The following TCF7L1 variants were observed in gnomAD, a reference collection of about 807,000 sequenced individuals.
TCF7L1 encodes transcription factor 7 like 1.
TCF7L1 carries 18 observed loss-of-function variants against 63.7 expected under a neutral mutation model. That is an observed-to-expected ratio of 0.28 (90% CI 0.20 to 0.42). The LOEUF (loss-of-function observed/expected upper bound fraction) is 0.42, where lower values mean the gene tolerates loss of function less well. TCF7L1 is among the 10% of genes least tolerant of loss of function. The pLI is 1.00. For synonymous variants in TCF7L1, 355 were observed against 340.9 expected, an observed-to-expected ratio of 1.04 and a Z score of -0.46; for missense variants, 654 against 779.3, an observed-to-expected ratio of 0.84 and a Z score of 1.91.
At chr2:85,241,445 T>TTG (rs1558643538) in intron 3 of TCF7L1, among the ~76,000 whole-genome samples, 1 of 128,096 alleles carries the variant, frequency 7.8e-6, no homozygotes, top group African/African-American at 3.1e-5. Context: ...TTGTTTTTTT[T>TTG]TTTTTTTTTT....
chr2:85,150,667 G>T, intron 3 of TCF7L1, among the ~76,000 whole-genome samples: 1 of 147,494 alleles, frequency 6.8e-6, no homozygotes, highest in African/African-American at 2.5e-5. Context: ...TGTTCTTATT[G>T]TATCTCCTCA....
chr2:85,235,260 C>T (rs1680165759), intron 3 of TCF7L1, among the ~76,000 whole-genome samples: 1 of 152,006 alleles, frequency 6.6e-6, no homozygotes, highest in African/African-American at 2.4e-5. Flanking sequence ...GGCCTGGGTC[C>T]CCACTAAGTA....
chr2:85,243,876 A>AC (rs1680399449), intron 3 of TCF7L1, among the ~76,000 whole-genome samples: 1 of 151,962 alleles, frequency 6.6e-6, no homozygotes, highest in Non-Finnish European at 1.5e-5. Flanking sequence ...TGTGAACAGC[A>AC]CCCCCTGGGG....
chr2:85,135,958 C>T (rs1050220726), intron 3 of TCF7L1, among the ~76,000 whole-genome samples: 9 of 151,428 alleles, frequency 5.9e-5, no homozygotes, highest in Non-Finnish European at 1.2e-4. Context: ...CGAGCTGCTG[C>T]GGTCTTATTT....
Position 85,222,638 on chromosome 2 carries a change from C to T in TCF7L1, c.442-60857C>T, listed in dbSNP as rs192451245. Among the ~76,000 whole-genome samples the T allele has an allele frequency of 3.1e-3, 432 of 139,530 alleles. 5 individuals carry two copies. Among genetic ancestry groups the T allele is most frequent in the African/African-American group, 0.012 (418 of 33,856 alleles). The allele number at this position is 139,530 out of a possible 152,430, so 91.5% of individuals were successfully genotyped here. A position where few individuals can be genotyped will look rare whatever the true frequency, so the allele number is the denominator to read the frequency against. On this transcript the variant is annotated intron_variant, in intron 3 of 11. Coordinates refer to ENST00000282111, the MANE Select transcript of TCF7L1 (RefSeq NM_031283.3). ...TGAGCCTAGATTGCACTGCTGCACT[C>T]CAGCCTGGGTGACAGAGTGAGACCC...
intron 3 of TCF7L1, among the ~76,000 whole-genome samples, chr2:85,265,985 T>A (rs572404003): frequency 6.6e-6 from 1 of 152,362 alleles, no homozygotes; most frequent in East Asian, 1.9e-4. Flanking sequence ...ATACCTGTTT[T>A]ACAAAATTAC....
intron 3 of TCF7L1, among the ~76,000 whole-genome samples, chr2:85,186,062 G>A (rs1678915025): frequency 6.7e-6 from 1 of 149,908 alleles, no homozygotes; most frequent in Admixed American, 6.6e-5. Flanking sequence ...TGCCTCCCAG[G>A]TTCACTCCGT....
intron 3 of TCF7L1, among the ~76,000 whole-genome samples, chr2:85,255,923 C>CTTGCA (rs1220603244): frequency 1.3e-5 from 2 of 152,160 alleles, no homozygotes; most frequent in South Asian, 4.1e-4. Context: ...GTCTGAGCCC[C>CTTGCA]TTGCACCCCT....
chr2:85,185,794 G>T (rs1318372186), intron 3 of TCF7L1, among the ~76,000 whole-genome samples: 4 of 152,082 alleles, frequency 2.6e-5, no homozygotes, highest in African/African-American at 9.7e-5. Context: ...AGAGAGGAAG[G>T]TGGTCAGAAC....
chr2:85,247,208 G>A (rs1680486845), intron 3 of TCF7L1, among the ~76,000 whole-genome samples: 1 of 152,112 alleles, frequency 6.6e-6, no homozygotes, highest in African/African-American at 2.4e-5. Context: ...ATCCAAATTA[G>A]CACACTACCT....
chr2:85,298,779 C>A (rs1487649500), intron 4 of TCF7L1, among the ~76,000 whole-genome samples: 1 of 152,080 alleles, frequency 6.6e-6, no homozygotes, highest in African/African-American at 2.4e-5. Context: ...TGGTTCCCTA[C>A]ATTCCTAGTC....
chr2:85,241,949 C>T (rs1680342522), intron 3 of TCF7L1, among the ~76,000 whole-genome samples: 1 of 144,740 alleles, frequency 6.9e-6, no homozygotes, highest in Non-Finnish European at 1.5e-5. Flanking sequence ...GAATAGTTTG[C>T]TTTTTGGTAA....
Position 85,306,074 on chromosome 2 carries a change from G to C in TCF7L1, c.990-132G>C, listed in dbSNP as rs1682101282. On this transcript the variant is annotated intron_variant, in intron 8 of 11. Coordinates refer to ENST00000282111, the MANE Select transcript of TCF7L1 (RefSeq NM_031283.3). The surrounding 1 kb of genome is among the most constrained non-coding windows in gnomAD (Gnocchi z 4.3). ...TACTCAGGTGTTGAGTGCAGCCATG[G>C]GGCCACTTGAATTAGCATCCAGGCA... 3.9e-6 allele frequency: 4 copies of C among 1,025,238 alleles called. No individual in the cohort carries two copies. The East Asian group carries it at 1.0e-4, about 26-fold the overall frequency. 63.5% of individuals were successfully genotyped at this position (1,025,238 alleles called of 1,614,324 possible).
chr2:85,190,989 T>G (rs1350313045), intron 3 of TCF7L1, among the ~76,000 whole-genome samples: 1 of 152,096 alleles, frequency 6.6e-6, no homozygotes. Flanking sequence ...TTAATGACTC[T>G]GGTGCAGTGA....
chr2:85,305,434 G>A, intron 8 of TCF7L1, 31 bp downstream of exon 8: 3 of 1,585,668 alleles, frequency 1.9e-6, no homozygotes, highest in Middle Eastern at 1.7e-4. Context: ...ATTCAGGTGG[G>A]AGGGTGCAGG....
At chr2:85,156,632 G>A (rs1002772020) in intron 3 of TCF7L1, among the ~76,000 whole-genome samples, 1 of 152,198 alleles carries the variant, frequency 6.6e-6, no homozygotes, top group African/African-American at 2.4e-5. Context: ...AAAGTCCTGT[G>A]TATGTTTGTA....
At chr2:85,135,350 G>C (rs996433669) in intron 3 of TCF7L1, among the ~76,000 whole-genome samples, 1 of 152,156 alleles carries the variant, frequency 6.6e-6, no homozygotes, top group African/African-American at 2.4e-5. Flanking sequence ...GACAGATGTT[G>C]GGTGAACGCC....
intron 3 of TCF7L1, among the ~76,000 whole-genome samples, chr2:85,269,356 A>G (rs2104354521): frequency 6.6e-6 from 1 of 152,392 alleles, no homozygotes; most frequent in South Asian, 2.1e-4. Context: ...AACAGTATCC[A>G]AGATATCAAA....
intron 4 of TCF7L1, among the ~76,000 whole-genome samples, chr2:85,284,662 C>T (rs1681500620): frequency 6.6e-6 from 1 of 152,182 alleles, no homozygotes; most frequent in South Asian, 2.1e-4. Context: ...GCCTCAGAAT[C>T]AGGGAATGCG....
Sources: gnomAD v4.1 joint callset for allele counts (sites outside exome capture counted in the v4.1 genomes callset) on GRCh38, gnomAD v4.1.1 for gene constraint, Gnocchi (gnomAD v3.1) non-coding constraint, MANE v1.5 for transcripts, NCBI Gene and HGNC (gene_info 2026-07-23, HGNC 2026-07-21) for gene names.